The following USP43 variants were observed in gnomAD, a reference collection of about 807,000 sequenced individuals.
USP43 encodes the protein ubiquitin specific peptidase 43.
Under a neutral mutation model 90.7 loss-of-function variants are expected in USP43, and 33 were observed. That is an observed-to-expected ratio of 0.36 (90% confidence interval 0.28 to 0.49). The LOEUF (loss-of-function observed/expected upper bound fraction) is 0.49. Ranked by LOEUF, USP43 falls within the 20% of genes least tolerant of loss-of-function variation. USP43 has a pLI of 0.98. For synonymous variants in USP43, 598 were observed against 615.8 expected, an observed-to-expected ratio of 0.97 and a Z score of 0.43; for missense variants, 1,274 against 1,476.4, an observed-to-expected ratio of 0.86 and a Z score of 2.25.
rs1911304266 is a variant in USP43, at chr17:9,645,529, C to T, written c.-104C>T. On this transcript the variant is annotated 5_prime_UTR_variant, in exon 1 of 15. Transcript: ENST00000285199. This position sits in a 1 kb window ranked among gnomAD's most constrained non-coding sequence, Gnocchi z 6.8. ...GCCCCGTCCCCGCACACCTGGCCCG[C>T]AGGTAGCCGGCACCAGGAGCCTTAG... The T allele has an allele frequency of 9.4e-7, 1 of 1,069,222 alleles. No homozygotes were observed. Among genetic ancestry groups the T allele is most frequent in the Non-Finnish European group, 1.2e-6 (1 of 866,008 alleles). 66.2% of individuals were successfully genotyped at this position (1,069,222 alleles called of 1,614,324 possible).
intron 8 of USP43, among the ~76,000 whole-genome samples, chr17:9,690,123 C>T (rs1363627798): frequency 1.3e-5 from 2 of 152,136 alleles, no homozygotes; most frequent in Admixed American, 6.5e-5. Context: ...TCCCTGCACA[C>T]GTCAGCTCCC....
chr17:9,705,569 A>G (rs1236142040), intron 12 of USP43, among the ~76,000 whole-genome samples: 1 of 152,022 alleles, frequency 6.6e-6, no homozygotes, highest in East Asian at 1.9e-4. Flanking sequence ...AGCCTGGCCA[A>G]CATGGTGAAA....
rs1917419078 is a variant in USP43, at chr17:9,728,756, G to C, written c.3138G>C (p.Arg1046Ser). 4.4e-6 allele frequency: 7 copies of C among 1,604,770 alleles called. No individual in the cohort carries two copies. The East Asian group carries it at 1.6e-4, about 36-fold the overall frequency. ...CTCCAGGCTCACCTCCTGCCCTCAGGATCCCAGAGGGCCTGGCCAGGGGCC... is the reference window on the plus strand; with the variant it reads ...CTCCAGGCTCACCTCCTGCCCTCAGCATCCCAGAGGGCCTGGCCAGGGGCC... ...GQAPGSPPALRIPEGLARGLG... is the reference protein window; with the variant it reads ...GQAPGSPPALSIPEGLARGLG... Residue 1046 changes from arginine to serine, a missense_variant, in exon 15 of 15, where the codon AGG becomes AGC. By Grantham distance (110) the Arg-to-Ser change is moderately radical (BLOSUM62 -1). Coordinates refer to ENST00000285199, the MANE Select transcript of USP43 (RefSeq NM_153210.5). This position sits in a 1 kb window ranked among gnomAD's most constrained non-coding sequence, Gnocchi z 6.2.
intron 2 of USP43, 47 bp from the exon 3 acceptor site, chr17:9,666,601 G>A: frequency 6.7e-7 from 1 of 1,484,930 alleles, no homozygotes. Flanking sequence ...GCAGTTGAGT[G>A]ATGAGAGGTG....
At chr17:9,659,202 T>C (rs1207943821) in intron 2 of USP43, among the ~76,000 whole-genome samples, 11 of 152,212 alleles carry the variant, frequency 7.2e-5, no homozygotes, top group Non-Finnish European at 1.6e-4. Context: ...ATATATTTTT[T>C]AAAAAGATAC....
In USP43 at chr17:9,710,008, G is replaced by C; in HGVS notation, c.2064G>C (p.Thr688=). ...DGQWYSYDDS[T]VEPLREDEVN... is the part of the protein sequence containing the mutation. ...AGTGGTACAGTTATGATGACAGCAC[G>C]GTGGAACCGCTTCGAGAAGATGAGG... Residue 688 remains threonine, a synonymous_variant, in exon 13 of 15, where the codon ACG becomes ACC. Coordinates refer to ENST00000285199, the MANE Select transcript of USP43 (RefSeq NM_153210.5). 1 of 1,572,640 alleles carries C rather than the reference G, an allele frequency of 6.4e-7. No individual in the cohort carries two copies. Among genetic ancestry groups the C allele is most frequent in the Admixed American group, 1.8e-5 (1 of 54,842 alleles).
intron 9 of USP43, among the ~76,000 whole-genome samples, chr17:9,694,478 G>A (rs1437900784): frequency 6.6e-6 from 1 of 152,182 alleles, no homozygotes; most frequent in Admixed American, 6.5e-5. Context: ...ACAAGAACTT[G>A]AGAGGAAGCA....
chr17:9,690,594 C>G (rs1914880471), intron 8 of USP43, among the ~76,000 whole-genome samples: 1 of 152,040 alleles, frequency 6.6e-6, no homozygotes, highest in Non-Finnish European at 1.5e-5. Context: ...TATTAAAAAA[C>G]TAAAATGTTG....
intron 1 of USP43, among the ~76,000 whole-genome samples, chr17:9,648,887 CTTTCTTTCTT>C (rs1239253460): frequency 6.6e-6 from 1 of 151,264 alleles, no homozygotes; most frequent in African/African-American, 2.4e-5. Context: ...CTTCCTTCCT[CTTTCTTTCTT>C]TTTCTTTCTC....
chr17:9,700,311 C>T, intron 10 of USP43, 62 bp downstream of exon 10: 1 of 1,495,058 alleles, frequency 6.7e-7, no homozygotes, highest in Non-Finnish European at 9.1e-7. Flanking sequence ...GCCCAGGTTT[C>T]CCTGGACGCA....
intron 14 of USP43, among the ~76,000 whole-genome samples, chr17:9,713,552 A>G (rs1321986778): frequency 4.6e-5 from 7 of 152,156 alleles, no homozygotes; most frequent in Admixed American, 4.6e-4. Context: ...TACTCTGGCT[A>G]CTGTGTGGAG....
intron 9 of USP43, among the ~76,000 whole-genome samples, chr17:9,697,931 T>C (rs1915372630): frequency 6.6e-6 from 1 of 152,208 alleles, no homozygotes; most frequent in Non-Finnish European, 1.5e-5. Flanking sequence ...TCCATAGGAG[T>C]TGAACTAATT....
chr17:9,712,592 C>G (rs1232471767), intron 14 of USP43, among the ~76,000 whole-genome samples: 1 of 152,056 alleles, frequency 6.6e-6, no homozygotes, highest in Non-Finnish European at 1.5e-5. Context: ...GAGGAGCCCT[C>G]CAGGGTGAAG....
At position 9,682,849 on chromosome 17, in the gene USP43, C is replaced by G. The variant is rs778474821; in HGVS notation, c.1132C>G (p.Pro378Ala). The change falls in exon 7 of 15, where the codon CCA becomes GCA. Residue 378 changes from proline (P) to alanine (A), a missense_variant. This residue lies in a region of USP43 where 253 missense variants were observed against 276.0 expected (regional missense o/e 0.92). Transcript: ENST00000285199. ...TCATCCACTGGGTCTGTCGGCCTCC[C>G]CACGCCTGGCAGCCCGTGAGGGCCA... ...SAHPLGLSASPRLAAREGQRF... is the reference protein window; with the variant it reads ...SAHPLGLSASARLAAREGQRF... The G allele has an allele frequency of 2.5e-6, 4 of 1,614,014 alleles. No individual in the cohort carries two copies. In the East Asian group the frequency reaches 8.9e-5, roughly 36 times the overall value.
chr17:9,679,886 A>G (rs929025758), intron 5 of USP43, among the ~76,000 whole-genome samples: 46 of 152,196 alleles, frequency 3.0e-4, no homozygotes, highest in Admixed American at 7.2e-4. Context: ...CAATCACGTG[A>G]AAAAGGTTAG....
chr17:9,647,209 C>T (rs1210476811), intron 1 of USP43, among the ~76,000 whole-genome samples: 1 of 152,042 alleles, frequency 6.6e-6, no homozygotes, highest in African/African-American at 2.4e-5. Flanking sequence ...ACAAGCATCA[C>T]CGCTCTTGAG....
At chr17:9,657,946 T>C (rs924212080) in intron 2 of USP43, among the ~76,000 whole-genome samples, 13 of 152,224 alleles carry the variant, frequency 8.5e-5, no homozygotes, top group African/African-American at 3.1e-4. Context: ...GATAATTCCA[T>C]ATCAATGAGT....
chr17:9,675,973 C>G (rs901870068), intron 4 of USP43, among the ~76,000 whole-genome samples: 1 of 152,098 alleles, frequency 6.6e-6, no homozygotes, highest in African/African-American at 2.4e-5. Flanking sequence ...ACCTGTGTGA[C>G]TTGGGCAGTT....
intron 2 of USP43, among the ~76,000 whole-genome samples, chr17:9,662,143 T>A (rs1912684689): frequency 6.6e-6 from 1 of 152,108 alleles, no homozygotes; most frequent in South Asian, 2.1e-4. Flanking sequence ...AGCATCTCAG[T>A]GTGGCTTGCT....
Sources: gnomAD v4.1 joint callset for allele counts (sites outside exome capture counted in the v4.1 genomes callset) on GRCh38, gnomAD v4.1.1 for gene constraint, gnomAD v4.1.1 regional missense constraint, Gnocchi (gnomAD v3.1) non-coding constraint, MANE v1.5 for transcripts, NCBI Gene and HGNC (gene_info 2026-07-23, HGNC 2026-07-21) for gene names.